The following CAMK2B variants were observed in gnomAD, a reference collection of about 807,000 sequenced individuals.
The protein encoded by CAMK2B is calcium/calmodulin-dependent protein kinase type II subunit beta.
A neutral mutation model predicts 93.7 loss-of-function variants in CAMK2B; 27 were observed. The ratio of observed to expected loss-of-function variants is 0.29; its 90% CI spans 0.21 to 0.40. The LOEUF is 0.40. Ranked by LOEUF, CAMK2B falls within the 10% of genes least tolerant of loss-of-function variation. CAMK2B has a pLI of 1.00. For synonymous variants in CAMK2B, 374 were observed against 358.8 expected (o/e 1.04, Z -0.48); for missense variants, 568 against 895.8 (o/e 0.63, Z 4.67).
chr7:44,324,841 AC>A (rs1266541776), intron 1 of CAMK2B, among the ~76,000 whole-genome samples: 1 of 151,864 alleles, frequency 6.6e-6, no homozygotes, highest in Non-Finnish European at 1.5e-5. Context: ...CCACGCCGGC[AC>A]CCCCAGCGCG....
rs572392865 is a variant in CAMK2B, at chr7:44,228,884, A to T, written c.1380T>A (p.Gly460=). Residue 460 remains glycine (G), a synonymous_variant, in exon 19 of 24, where the codon GGT becomes GGA. Transcript: ENST00000395749. The stretch of plus-strand genomic sequence containing the variant: ...GGCCCTCGGCTTCTGGGGTTCCTGA[A>T]CCCCTTCTCACAGAGTTCAGGATGT... ...ISDILNSVRR[G]SGTPEAEGPL... is the part of the protein sequence containing the mutation. The T allele has an allele frequency of 6.3e-7, 1 of 1,586,520 alleles. No homozygotes were observed. Among genetic ancestry groups the T allele is most frequent in the African/African-American group, 1.4e-5 (1 of 73,782 alleles).
intron 23 of CAMK2B, 92 bp downstream of exon 23, chr7:44,219,968 G>GCCCCACCGCT: frequency 9.3e-7 from 1 of 1,072,594 alleles, no homozygotes; most frequent in East Asian, 2.6e-5. Flanking sequence ...CTCTGCACAG[G>GCCCCACCGCT]CCCCACCGCT....
chr7:44,299,713 T>C (rs1263235406), intron 1 of CAMK2B, among the ~76,000 whole-genome samples: 1 of 152,192 alleles, frequency 6.6e-6, no homozygotes, highest in Non-Finnish European at 1.5e-5. Flanking sequence ...TATTTATTAA[T>C]TGTGTGATCC....
chr7:44,252,212 T>A (rs1282479219), intron 5 of CAMK2B, among the ~76,000 whole-genome samples: 1 of 152,038 alleles, frequency 6.6e-6, no homozygotes, highest in Non-Finnish European at 1.5e-5. Flanking sequence ...CCCCCATGGC[T>A]GGAGTTGCCC....
At chr7:44,229,134 T>A (rs1191971436) in intron 18 of CAMK2B, 3 of 637,190 alleles carry the variant, frequency 4.7e-6, no homozygotes, top group South Asian at 3.7e-5. Flanking sequence ...AAGACTGGAA[T>A]TGAGGCCCGA....
At chr7:44,233,679 A>G (rs2096599973) in intron 15 of CAMK2B, among the ~76,000 whole-genome samples, 1 of 152,120 alleles carries the variant, frequency 6.6e-6, no homozygotes, top group Non-Finnish European at 1.5e-5. Context: ...GAGTACTGCT[A>G]TAGGGTTCAC....
intron 2 of CAMK2B, chr7:44,268,819 G>A (rs1288319576): frequency 6.6e-6 from 1 of 152,338 alleles, no homozygotes; most frequent in African/African-American, 2.4e-5. Flanking sequence ...AGTGCAGGAA[G>A]AGACAGGACC....
chr7:44,236,411 C>A (rs993983856), intron 13 of CAMK2B, among the ~76,000 whole-genome samples: 1 of 152,224 alleles, frequency 6.6e-6, no homozygotes, highest in African/African-American at 2.4e-5. Context: ...AGGAGTCCCT[C>A]CCAGGATCCA....
At position 44,258,775 on chromosome 7, in the gene CAMK2B, G is replaced by C; in HGVS notation, c.275+97C>G. The C allele has an allele frequency of 4.5e-6, 5 of 1,115,790 alleles. 1 individual carries two copies. In the South Asian group the frequency reaches 6.6e-5, roughly 15 times the overall value. 69.1% of individuals were successfully genotyped at this position (1,115,790 alleles called of 1,614,324 possible). A position where few individuals can be genotyped will look rare whatever the true frequency, so the allele number is the denominator to read the frequency against. On this transcript the variant is annotated intron_variant, in intron 4 of 23. Transcript: ENST00000395749. ...CACTCAAGGGAGTGGCCAGCCCACG[G>C]GTAGGGACTATTCCCTGGGGCTGGG...
chr7:44,219,329 TGTC>T lies in CAMK2B; in HGVS notation c.*193_*195del, dbSNP rs1399784026. On this transcript the variant is annotated 3_prime_UTR_variant, in exon 24 of 24. Transcript: ENST00000395749. ...ATCTGATGTCAATTTTTTTTGTGGT[TGTC>T]GTCGTCATCTTGTTTTTTTTTTTTT... 2 of 148,920 alleles carry T rather than the reference TGTC, an allele frequency of 1.3e-5. No homozygotes were observed. The highest frequency in any genetic ancestry group is 3.0e-5 in the Non-Finnish European group (2 of 67,152). The allele number at this position is 148,920 out of a possible 1,614,324, so 9.2% of individuals were successfully genotyped here.
At chr7:44,323,307 C>T (rs1796618267) in intron 1 of CAMK2B, among the ~76,000 whole-genome samples, 1 of 152,274 alleles carries the variant, frequency 6.6e-6, no homozygotes, top group African/African-American at 2.4e-5. Context: ...CTCCTCACCT[C>T]GCAATGCATG....
intron 1 of CAMK2B, among the ~76,000 whole-genome samples, chr7:44,297,795 A>C (rs1788697946): frequency 6.6e-6 from 1 of 152,170 alleles, no homozygotes; most frequent in African/African-American, 2.4e-5. Context: ...AAGAAAAACA[A>C]AGTTGGGGGA....
At chr7:44,321,931 C>A (rs1796179507) in intron 1 of CAMK2B, among the ~76,000 whole-genome samples, 2 of 152,184 alleles carry the variant, frequency 1.3e-5, no homozygotes, top group African/African-American at 4.8e-5. Context: ...AGTGGCGGCA[C>A]CTGCAAAGAC....
intron 4 of CAMK2B, among the ~76,000 whole-genome samples, chr7:44,258,046 GAACA>G (rs2096848826): frequency 6.6e-6 from 1 of 152,240 alleles, no homozygotes; most frequent in Non-Finnish European, 1.5e-5. Context: ...CAGGGTCCTG[GAACA>G]GCACTGACTC....
At chr7:44,235,183 C>G (rs1051953505) in intron 13 of CAMK2B, among the ~76,000 whole-genome samples, 1 of 152,256 alleles carries the variant, frequency 6.6e-6, no homozygotes, top group Non-Finnish European at 1.5e-5. Flanking sequence ...GGCGCTCACC[C>G]TGCTCTCAGA....
At chr7:44,296,505 A>AAG (rs1381038101) in intron 1 of CAMK2B, among the ~76,000 whole-genome samples, 8 of 152,020 alleles carry the variant, frequency 5.3e-5, no homozygotes, top group African/African-American at 1.7e-4. Context: ...GAAAGGGGAA[A>AAG]AGCAGAAGAA....
At position 44,285,519 on chromosome 7, in the gene CAMK2B, C is replaced by T. The variant is rs1024922207; in HGVS notation, c.66-1294G>A. On this transcript the variant is annotated intron_variant, in intron 1 of 23. Transcript: ENST00000395749. ...AGCCTGAGAAACCCACATGGGAGTC[C>T]AGGCCAAGGGCTCTGCGTGGTGGAA... 6.8e-4 allele frequency among the ~76,000 whole-genome samples: 104 copies of T among 152,338 alleles called. 1 individual carries two copies. Among genetic ancestry groups the T allele is most frequent in the African/African-American group, 2.5e-3 (103 of 41,586 alleles).
intron 18 of CAMK2B, chr7:44,229,155 C>A: frequency 1.6e-6 from 1 of 623,918 alleles, no homozygotes; most frequent in Non-Finnish European, 2.9e-6. Flanking sequence ...GCCTCCAGGG[C>A]CTCCCATCCT....
intron 1 of CAMK2B, among the ~76,000 whole-genome samples, chr7:44,319,595 C>T (rs547458342): frequency 6.6e-6 from 1 of 152,260 alleles, no homozygotes; most frequent in African/African-American, 2.4e-5. Flanking sequence ...TCCACTTGCA[C>T]CCACCTCCAC....
Sources: allele counts gnomAD v4.1 joint callset (sites outside exome capture counted in the v4.1 genomes callset), GRCh38; gene constraint gnomAD v4.1.1; transcripts MANE v1.5; gene names NCBI Gene and HGNC (gene_info 2026-07-23, HGNC 2026-07-21).